The following ASIC2 variants were observed in gnomAD, a reference collection of about 807,000 sequenced individuals.
ASIC2 encodes acid-sensing ion channel 2.
A neutral mutation model predicts 57.3 loss-of-function variants in ASIC2; 25 were observed. The ratio of observed to expected loss-of-function variants is 0.44; its 90% CI spans 0.32 to 0.61. The LOEUF is 0.61. ASIC2 is among the 20% of genes least tolerant of loss of function. The pLI is 0.06. For synonymous variants in ASIC2, 319 were observed against 307.5 expected (o/e 1.04, Z -0.39); for missense variants, 641 against 738.1 (o/e 0.87, Z 1.52).
At chr17:33,578,609 T>C in intron 1 of ASIC2, among the ~76,000 whole-genome samples, 1 of 152,080 alleles carries the variant, frequency 6.6e-6, no homozygotes, top group East Asian at 1.9e-4. Flanking sequence ...GGGAAGATCT[T>C]TATACGTTTG....
chr17:34,066,073 C>T (rs532761043), intron 1 of ASIC2, among the ~76,000 whole-genome samples: 2 of 152,230 alleles, frequency 1.3e-5, no homozygotes, highest in South Asian at 4.2e-4. Flanking sequence ...AATTTGAGAC[C>T]AGGGGCCTGA....
chr17:33,598,928 G>T (rs1223310998), intron 1 of ASIC2, among the ~76,000 whole-genome samples: 2 of 152,204 alleles, frequency 1.3e-5, no homozygotes, highest in African/African-American at 4.8e-5. Flanking sequence ...TATAGGGTAT[G>T]CAGGAATGTG....
intron 1 of ASIC2, among the ~76,000 whole-genome samples, chr17:33,815,567 T>A (rs1330047343): frequency 1.3e-5 from 2 of 152,198 alleles, no homozygotes; most frequent in Non-Finnish European, 2.9e-5. Context: ...CCTTGGATAA[T>A]CTTGACTATT....
rs562227687 is a variant in ASIC2, at chr17:33,978,632, C to T, written c.555+177346G>A. Among the ~76,000 whole-genome samples, 35 of 152,248 alleles carry T rather than the reference C, an allele frequency of 2.3e-4. No homozygotes were observed. The South Asian group carries it at 6.8e-3, about 30-fold the overall frequency. On this transcript the variant is annotated intron_variant, in intron 1 of 9. Coordinates refer to the ASIC2 transcript ENST00000359872. ...ATTTCATAGTTTAACATTTCTGACA[C>T]CACCTGTGTCAAATTCCTATGCTTA...
At chr17:34,136,471 C>A (rs940918012) in intron 1 of ASIC2, among the ~76,000 whole-genome samples, 4 of 152,216 alleles carry the variant, frequency 2.6e-5, no homozygotes, top group African/African-American at 2.4e-5. Context: ...GCTTCCACAA[C>A]CCTACTTACT....
chr17:33,386,019 A>G (rs1381795015), intron 1 of ASIC2, among the ~76,000 whole-genome samples: 1 of 152,246 alleles, frequency 6.6e-6, no homozygotes, highest in Admixed American at 6.5e-5. Flanking sequence ...GTCTGTTACT[A>G]TACACATAAC....
chr17:33,753,057 C>G (rs978238714), intron 1 of ASIC2, among the ~76,000 whole-genome samples: 2 of 152,156 alleles, frequency 1.3e-5, no homozygotes, highest in Non-Finnish European at 2.9e-5. Flanking sequence ...TGGAAGCAAT[C>G]AAGATGTCCT....
intron 1 of ASIC2, among the ~76,000 whole-genome samples, chr17:34,125,183 C>T (rs1911743126): frequency 6.6e-6 from 1 of 152,012 alleles, no homozygotes; most frequent in Non-Finnish European, 1.5e-5. Flanking sequence ...TACTGACACA[C>T]AACAGCACTG....
intron 1 of ASIC2, among the ~76,000 whole-genome samples, chr17:33,755,589 T>C (rs1157066493): frequency 6.6e-6 from 1 of 152,248 alleles, no homozygotes; most frequent in Non-Finnish European, 1.5e-5. Context: ...CTTTAGTTGA[T>C]CATTTAACAC....
chr17:33,707,904 A>T (rs1272124317), intron 1 of ASIC2, among the ~76,000 whole-genome samples: 2 of 152,218 alleles, frequency 1.3e-5, no homozygotes, highest in Non-Finnish European at 2.9e-5. Context: ...CTGTTGGGTC[A>T]GCTTGACTAC....
At chr17:34,029,365 G>C (rs1276577381) in intron 1 of ASIC2, among the ~76,000 whole-genome samples, 4 of 131,548 alleles carry the variant, frequency 3.0e-5, no homozygotes, top group Admixed American at 2.4e-4. Flanking sequence ...ATGTCTCACA[G>C]TGCTAAAACC....
chr17:33,349,827 A>G (rs1908086964), intron 1 of ASIC2, among the ~76,000 whole-genome samples: 1 of 152,128 alleles, frequency 6.6e-6, no homozygotes, highest in African/African-American at 2.4e-5. Flanking sequence ...TCCCATTAGC[A>G]TTTATTCCCA....
intron 1 of ASIC2, among the ~76,000 whole-genome samples, chr17:33,289,845 G>A (rs1905348531): frequency 1.3e-5 from 2 of 152,182 alleles, no homozygotes; most frequent in Admixed American, 6.5e-5. Context: ...AGGGCCTGTT[G>A]CTACTTGGAT....
intron 1 of ASIC2, among the ~76,000 whole-genome samples, chr17:34,015,385 T>C (rs1167161763): frequency 6.6e-6 from 1 of 152,156 alleles, no homozygotes; most frequent in Non-Finnish European, 1.5e-5. Context: ...CCACAGGAAA[T>C]GCAAGGCTCC....
chr17:33,161,126 G>A (rs1567768123), intron 1 of ASIC2, among the ~76,000 whole-genome samples: 1 of 152,136 alleles, frequency 6.6e-6, no homozygotes, highest in East Asian at 1.9e-4. Flanking sequence ...CCTGCTCCAG[G>A]GTGAAAGAAT....
intron 1 of ASIC2, among the ~76,000 whole-genome samples, chr17:34,103,169 A>G (rs527853620): frequency 6.6e-6 from 1 of 151,580 alleles, no homozygotes; most frequent in Non-Finnish European, 1.5e-5. Flanking sequence ...GGGAGGGGGG[A>G]CAGTCTCATT....
intron 1 of ASIC2, among the ~76,000 whole-genome samples, chr17:33,736,941 C>G (rs545747577): frequency 1.3e-5 from 2 of 152,180 alleles, no homozygotes; most frequent in African/African-American, 4.8e-5. Flanking sequence ...ACAGCTTTAT[C>G]GAGGTGTAAC....
chr17:33,489,157 T>C (rs1198833743), intron 1 of ASIC2, among the ~76,000 whole-genome samples: 3 of 151,824 alleles, frequency 2.0e-5, no homozygotes, highest in African/African-American at 4.9e-5. Context: ...GACATGGGCA[T>C]CTTGGTTTGG....
At chr17:34,088,363 G>A (rs528654607) in intron 1 of ASIC2, among the ~76,000 whole-genome samples, 9 of 151,822 alleles carry the variant, frequency 5.9e-5, no homozygotes, top group East Asian at 1.9e-4. Flanking sequence ...GCGGTTTTTC[G>A]TGAACGGCGA....
Sources: gnomAD v4.1 joint callset for allele counts (sites outside exome capture counted in the v4.1 genomes callset) on GRCh38, gnomAD v4.1.1 for gene constraint, MANE v1.5 for transcripts, NCBI Gene and HGNC (gene_info 2026-07-23, HGNC 2026-07-21) for gene names.